Variants in EXT2 observed in about 807,000 individuals in gnomAD.
EXT2 encodes exostosin-2.
A neutral mutation model predicts 81.6 loss-of-function variants in EXT2; 53 were observed. The ratio of observed to expected loss-of-function variants is 0.65; its 90% CI spans 0.52 to 0.82. The LOEUF (loss-of-function observed/expected upper bound fraction) is 0.82, where lower values mean the gene tolerates loss of function less well. Ranked by LOEUF, EXT2 falls within the 40% of genes least tolerant of loss-of-function variation. The probability of loss-of-function intolerance (pLI) is 0.00; values close to 1 mark genes in which losing one functional copy is unlikely to be tolerated. For synonymous variants in EXT2, 320 were observed against 340.0 expected (o/e 0.94, Z 0.65); for missense variants, 774 against 910.2 (o/e 0.85, Z 1.93).
At chr11:44,198,165 T>C (rs1375961657) in intron 9 of EXT2, 147 bp downstream of exon 9, 1 of 854,454 alleles carries the variant, frequency 1.2e-6, no homozygotes, top group East Asian at 2.6e-5. Flanking sequence ...GTCATCTCAT[T>C]CTTGTTCTAG....
chr11:44,107,935 A>T lies in EXT2; in HGVS notation c.223A>T (p.Ser75Cys), dbSNP rs1954081590. ...GCCGGTTGTTAGGCTGCCAGCCGAC[A>T]GTCCCATCCCAGAGCGGGGGGATCT... ...DVPVVRLPADSPIPERGDLSC... is the reference protein window; with the variant it reads ...DVPVVRLPADCPIPERGDLSC... Residue 75 changes from serine (S) to cysteine (C), a missense_variant, in exon 2 of 14, where the codon AGT becomes TGT. Physicochemically the swap from Ser to Cys is moderately radical, Grantham distance 112. Coordinates refer to ENST00000533608, the MANE Select transcript of EXT2 (RefSeq NM_207122.2). 6.2e-7 allele frequency: 1 copy of T among 1,614,256 alleles called. No homozygotes were observed. The highest frequency in any genetic ancestry group is 8.5e-7 in the Non-Finnish European group (1 of 1,180,056).
chr11:44,191,223 C>T (rs748425685), intron 8 of EXT2, among the ~76,000 whole-genome samples: 2 of 152,186 alleles, frequency 1.3e-5, no homozygotes, highest in Non-Finnish European at 2.9e-5. Context: ...TTCTTATTGG[C>T]GCTTCTGTAC....
intron 7 of EXT2, among the ~76,000 whole-genome samples, chr11:44,146,225 A>T (rs1035577994): frequency 4.6e-5 from 7 of 152,156 alleles, no homozygotes; most frequent in Non-Finnish European, 7.4e-5. Flanking sequence ...TAACAGCCTC[A>T]TTTTCACTTA....
chr11:44,179,775 T>C (rs1250451114), intron 8 of EXT2, among the ~76,000 whole-genome samples: 1 of 152,232 alleles, frequency 6.6e-6, no homozygotes, highest in African/African-American at 2.4e-5. Context: ...AGTATAATTT[T>C]CTAATAAATG....
intron 8 of EXT2, among the ~76,000 whole-genome samples, chr11:44,175,707 T>G (rs764249411): frequency 4.6e-5 from 7 of 152,338 alleles, no homozygotes; most frequent in African/African-American, 1.7e-4. Flanking sequence ...TTAAGGTCAT[T>G]TCTGACCTTG....
chr11:44,103,349 C>T (rs1020134750), intron 1 of EXT2, among the ~76,000 whole-genome samples: 13 of 152,020 alleles, frequency 8.6e-5, no homozygotes, highest in Admixed American at 6.5e-5. Context: ...GTTGGATTAT[C>T]CCATCGGCTT....
At chr11:44,214,333 C>A (rs1015452358) in intron 10 of EXT2, among the ~76,000 whole-genome samples, 42 of 152,156 alleles carry the variant, frequency 2.8e-4, no homozygotes, top group African/African-American at 1.0e-3. Flanking sequence ...CCAGCATGGT[C>A]TCGATCTCCT....
intron 10 of EXT2, among the ~76,000 whole-genome samples, chr11:44,230,615 A>G (rs1398513823): frequency 6.6e-6 from 1 of 152,176 alleles, no homozygotes. Context: ...CCTTGTGAAG[A>G]TGGAGGGTTG....
chr11:44,209,045 A>G (rs1590649082), intron 10 of EXT2, among the ~76,000 whole-genome samples: 1 of 152,306 alleles, frequency 6.6e-6, no homozygotes, highest in East Asian at 1.9e-4. Flanking sequence ...TCACTGACCA[A>G]TTTATGATGA....
rs1232923805 is a variant in EXT2 at position 44,231,674 on chromosome 11, A to G, written c.1663-679A>G. Among the ~76,000 whole-genome samples the G allele has an allele frequency of 3.9e-5, 6 of 152,194 alleles. No individual in the cohort carries two copies. The East Asian group carries it at 1.2e-3, about 29-fold the overall frequency. ...ACAAATTGTTATACTCATTCATGGT[A>G]TGGATCTTTTCAAGGTTAGACTAAA... On this transcript the variant is annotated intron_variant, in intron 10 of 13. Coordinates refer to ENST00000533608, the MANE Select transcript of EXT2 (RefSeq NM_207122.2).
chr11:44,176,986 A>G (rs1339169657), intron 8 of EXT2, among the ~76,000 whole-genome samples: 1 of 151,548 alleles, frequency 6.6e-6, no homozygotes, highest in Non-Finnish European at 1.5e-5. Flanking sequence ...GGCCTTGCAG[A>G]GTATTCATGT....
intron 1 of EXT2, among the ~76,000 whole-genome samples, chr11:44,101,911 C>T (rs1394511586): frequency 1.4e-5 from 2 of 146,412 alleles, no homozygotes; most frequent in South Asian, 2.2e-4. Flanking sequence ...AGCTGGGCAG[C>T]TAACCATGGT....
At chr11:44,152,565 G>T (rs1468481700) in intron 7 of EXT2, among the ~76,000 whole-genome samples, 4 of 152,084 alleles carry the variant, frequency 2.6e-5, no homozygotes, top group Non-Finnish European at 5.9e-5. Flanking sequence ...TGGCCAGGCT[G>T]GTCTTGAACT....
At chr11:44,106,627 A>G (rs1343460589) in intron 1 of EXT2, among the ~76,000 whole-genome samples, 1 of 152,110 alleles carries the variant, frequency 6.6e-6, no homozygotes, top group East Asian at 1.9e-4. Flanking sequence ...TAAGTGAACG[A>G]AAACAGATTT....
chr11:44,113,906 G>A (rs754907120), intron 3 of EXT2, among the ~76,000 whole-genome samples: 90 of 152,174 alleles, frequency 5.9e-4, no homozygotes, highest in Non-Finnish European at 8.2e-4. Flanking sequence ...GTAGCAGAGA[G>A]GCTGTCCGTA....
chr11:44,203,891 G>C (rs1169669913), intron 9 of EXT2, among the ~76,000 whole-genome samples: 1 of 152,244 alleles, frequency 6.6e-6, no homozygotes, highest in Non-Finnish European at 1.5e-5. Flanking sequence ...GATGTTTACA[G>C]GGTCCAGTTC....
At chr11:44,242,409 A>ACAC (rs1409380997) in intron 13 of EXT2, among the ~76,000 whole-genome samples, 2 of 152,172 alleles carry the variant, frequency 1.3e-5, no homozygotes, top group African/African-American at 2.4e-5. Flanking sequence ...GGAACTAGGA[A>ACAC]CACCACCTCC....
At chr11:44,155,164 A>T (rs1954840923) in intron 7 of EXT2, among the ~76,000 whole-genome samples, 1 of 152,082 alleles carries the variant, frequency 6.6e-6, no homozygotes, top group Admixed American at 6.5e-5. Context: ...TTACTCAAGA[A>T]ATCTTTGCCT....
intron 1 of EXT2, among the ~76,000 whole-genome samples, chr11:44,107,140 A>G (rs116471922): frequency 0.059 from 8,977 of 151,764 alleles, 284 homozygotes; most frequent in East Asian, 0.12. Flanking sequence ...ATTTTATATT[A>G]TGAATTAATA....
Sources: gnomAD v4.1 joint callset for allele counts (sites outside exome capture counted in the v4.1 genomes callset) on GRCh38, gnomAD v4.1.1 for gene constraint, MANE v1.5 for transcripts, NCBI Gene and HGNC (gene_info 2026-07-23, HGNC 2026-07-21) for gene names.